XK: variants seen among roughly 807,000 people sequenced by gnomAD.
XK encodes X-linked Kx blood group antigen, Kell and VPS13A binding protein, also known as endoplasmic reticulum membrane adapter protein XK.
In XK, 2 loss-of-function variants were observed where a neutral mutation model predicts 14.0. That is an observed-to-expected ratio of 0.14 (90% confidence interval 0.06 to 0.45). XK has a LOEUF of 0.45. Among genes scored for constraint, XK ranks in the 20% least tolerant of loss-of-function variants. The probability of loss-of-function intolerance (pLI) is 0.98; values close to 1 mark genes in which losing one functional copy is unlikely to be tolerated. For synonymous variants in XK, 149 were observed against 147.5 expected (o/e 1.01, Z -0.08); for missense variants, 235 against 341.5 (o/e 0.69, Z 2.46).
At chrX:37,707,933 C>T (rs1253322150) in intron 2 of XK, among the ~76,000 whole-genome samples, 1 of 112,750 alleles carries the variant, frequency 8.9e-6, no homozygotes, top group Non-Finnish European at 1.9e-5. Flanking sequence ...ACTGAGTGAA[C>T]GAGACTCCGT....
At chrX:37,707,915 C>A (rs12012499) in intron 2 of XK, among the ~76,000 whole-genome samples, 18,014 of 112,124 alleles carry the variant, frequency 0.16, 1,012 homozygotes, top group South Asian at 0.19. Context: ...GCCTGGGCAC[C>A]ATTGAGCACT....
At chrX:37,711,514 A>G (rs996106168) in intron 2 of XK, among the ~76,000 whole-genome samples, 4 of 112,380 alleles carry the variant, frequency 3.6e-5, no homozygotes, top group Non-Finnish European at 7.5e-5. Context: ...CTTTAGATGG[A>G]TAATTTGGGG....
At chrX:37,720,225 G>A (rs782196955) in intron 2 of XK, among the ~76,000 whole-genome samples, 5 of 110,847 alleles carry the variant, frequency 4.5e-5, no homozygotes, top group African/African-American at 6.5e-5. Context: ...GAGGGAAAAG[G>A]CAGCTTCAGA....
Position 37,732,030 on chromosome X carries a change from G to T in XK, c.*3568G>T, listed in dbSNP as rs1928101072. 1 of 111,532 alleles carries T rather than the reference G, an allele frequency of 9.0e-6. No homozygotes were observed. The highest frequency in any genetic ancestry group is 3.8e-4 in the South Asian group (1 of 2,666). 9.2% of individuals were successfully genotyped at this position (111,532 alleles called of 1,213,427 possible). A position where few individuals can be genotyped will look rare whatever the true frequency, so the allele number is the denominator to read the frequency against. On this transcript the variant is annotated 3_prime_UTR_variant, in exon 3 of 3. Coordinates refer to ENST00000378616, the MANE Select transcript of XK (RefSeq NM_021083.4). The stretch of plus-strand genomic sequence containing the variant: ...CAGTACTTACCAGTCAATGCATTGT[G>T]GATATGAGCTTTCGTTGACTGCTTC...
At chrX:37,700,992 A>C (rs1927403857) in intron 2 of XK, among the ~76,000 whole-genome samples, 1 of 111,880 alleles carries the variant, frequency 8.9e-6, no homozygotes, top group South Asian at 3.8e-4. Context: ...TCATTCCAAA[A>C]GAGGACTTGA....
At chrX:37,719,856 G>T (rs1352186951) in intron 2 of XK, among the ~76,000 whole-genome samples, 4 of 110,402 alleles carry the variant, frequency 3.6e-5, no homozygotes, top group Non-Finnish European at 7.6e-5. Flanking sequence ...TTAATGCCAG[G>T]TATTTGTAAG....
chrX:37,704,631 T>A (rs782167965), intron 2 of XK, among the ~76,000 whole-genome samples: 1 of 110,737 alleles, frequency 9.0e-6, no homozygotes, highest in African/African-American at 3.3e-5. Context: ...AGGTCAGGAG[T>A]TCAAGACCAG....
chrX:37,725,391 T>G (rs1927956485), intron 2 of XK, among the ~76,000 whole-genome samples: 1 of 111,829 alleles, frequency 8.9e-6, no homozygotes, highest in Non-Finnish European at 1.9e-5. Flanking sequence ...AACAAAATAT[T>G]ATGTTGTACA....
At position 37,727,712 on chromosome X, in the gene XK, G is replaced by T; in HGVS notation, c.585G>T (p.Lys195Asn). 2 of 1,211,085 alleles carry T rather than the reference G, an allele frequency of 1.7e-6. No homozygotes were observed. The highest frequency in any genetic ancestry group is 1.1e-6 in the Non-Finnish European group (1 of 895,289). Reference sequence around the variant, plus strand: ...GCAACATCCTAGCCATCAAAATCAAGTACGATGAGTATGAAGTCAAAGTGA... The same window carrying T: ...GCAACATCCTAGCCATCAAAATCAATTACGATGAGTATGAAGTCAAAGTGA... ...LRCNILAIKI[K>N]YDEYEVKVKP... The change falls in exon 3 of 3, where the codon AAG becomes AAT. Residue 195 changes from lysine to asparagine, a missense_variant. Lys to Asn is a moderately conservative substitution (Grantham distance 94). Transcript: ENST00000378616.
At chrX:37,715,136 ATGTGTG>A (rs57217449) in intron 2 of XK, among the ~76,000 whole-genome samples, 5 of 108,381 alleles carry the variant, frequency 4.6e-5, no homozygotes, top group Non-Finnish European at 9.6e-5. Context: ...ATATACAAAT[ATGTGTG>A]TGTGTGTGTG....
chrX:37,727,659 T>C lies in XK; in HGVS notation c.532T>C (p.Leu178=). ...AGGTCTCCTCATGACCATATCCCTGTTGTCCATTGTGTATGGAGCCTTGCG... is the reference window on the plus strand; with the variant it reads ...AGGTCTCCTCATGACCATATCCCTGCTGTCCATTGTGTATGGAGCCTTGCG... ...GRSLLMTISL[L]SIVYGALRCN... is the part of the protein sequence containing the mutation. Residue 178 remains leucine (L), a synonymous_variant, in exon 3 of 3, where the codon TTG becomes CTG. Coordinates refer to ENST00000378616, the MANE Select transcript of XK (RefSeq NM_021083.4). The C allele has an allele frequency of 2.5e-6, 3 of 1,210,234 alleles. No homozygotes were observed. In the East Asian group the frequency reaches 8.9e-5, roughly 36 times the overall value.
At chrX:37,690,019 C>A (rs186960118) in intron 1 of XK, among the ~76,000 whole-genome samples, 15 of 111,668 alleles carry the variant, frequency 1.3e-4, no homozygotes, top group African/African-American at 4.9e-4. Flanking sequence ...CATGAAAAAT[C>A]TGAGCTTATA....
At chrX:37,708,114 T>G (rs1298689994) in intron 2 of XK, among the ~76,000 whole-genome samples, 5 of 111,795 alleles carry the variant, frequency 4.5e-5, no homozygotes, top group Non-Finnish European at 7.5e-5. Context: ...GCTGAGGCAG[T>G]AGAATCAGGC....
chrX:37,702,847 A>T (rs1927441428), intron 2 of XK, among the ~76,000 whole-genome samples: 1 of 112,661 alleles, frequency 8.9e-6, no homozygotes, highest in African/African-American at 3.2e-5. Context: ...TCAAAATATC[A>T]TTGGGGTAGG....
intron 1 of XK, among the ~76,000 whole-genome samples, chrX:37,687,226 C>CACACAT (rs1491476026): frequency 6.8e-4 from 72 of 106,457 alleles, no homozygotes; most frequent in African/African-American, 2.2e-3. Flanking sequence ...CACACACACA[C>CACACAT]GCACACACAC....
intron 2 of XK, among the ~76,000 whole-genome samples, chrX:37,706,067 G>T (rs1556445085): frequency 9.0e-6 from 1 of 111,383 alleles, no homozygotes; most frequent in African/African-American, 3.3e-5. Context: ...TAAGGTGAAA[G>T]AACAAATCTT....
At chrX:37,717,901 G>A (rs1927795136) in intron 2 of XK, among the ~76,000 whole-genome samples, 1 of 111,692 alleles carries the variant, frequency 9.0e-6, no homozygotes, top group Non-Finnish European at 1.9e-5. Context: ...AGGGGTTTAT[G>A]TAATGTCTAT....
At chrX:37,705,851 C>CA (rs1400349773) in intron 2 of XK, among the ~76,000 whole-genome samples, 1 of 107,323 alleles carries the variant, frequency 9.3e-6, no homozygotes, top group Non-Finnish European at 1.9e-5. Context: ...CTCCTGGGCT[C>CA]AAGCCATCCT....
chrX:37,694,204 A>G lies in XK; in HGVS notation c.246-82A>G. 3 of 1,154,867 alleles carry G rather than the reference A, an allele frequency of 2.6e-6. No individual in the cohort carries two copies. The Admixed American group carries it at 6.8e-5, about 26-fold the overall frequency. ...TAGCCAAGTCAAGGCTTTAAGAATC[A>G]GGCTAAAGGTAAGTAGGATGAGCAT... On this transcript the variant is annotated intron_variant, in intron 1 of 2. Coordinates refer to ENST00000378616, the MANE Select transcript of XK (RefSeq NM_021083.4).
Sources: allele counts gnomAD v4.1 joint callset (sites outside exome capture counted in the v4.1 genomes callset), GRCh38; gene constraint gnomAD v4.1.1; transcripts MANE v1.5; gene names NCBI Gene and HGNC (gene_info 2026-07-23, HGNC 2026-07-21).